The following SH3BP4 variants were observed in gnomAD, a reference collection of about 807,000 sequenced individuals.
The protein encoded by SH3BP4 is SH3 domain-binding protein 4.
SH3BP4 carries 33 observed loss-of-function variants against 65.5 expected under a neutral mutation model. The ratio of observed to expected loss-of-function variants is 0.50; its 90% CI spans 0.38 to 0.67. The LOEUF is 0.67. Ranked by LOEUF, SH3BP4 falls within the 30% of genes least tolerant of loss-of-function variation. The pLI is 0.00. For synonymous variants in SH3BP4, 552 were observed against 545.5 expected (o/e 1.01, Z -0.17); for missense variants, 1,134 against 1,261.4 (o/e 0.90, Z 1.53).
At position 235,041,559 on chromosome 2, in the gene SH3BP4, A is replaced by C. The variant is rs2106333696; in HGVS notation, c.790A>C (p.Ser264Arg). Reference sequence around the variant, plus strand: ...CAAGTCCGATGCTCCCACATCGTCGAGTTTCTTCACCGGCTTGAAATCACC... The same window carrying C: ...CAAGTCCGATGCTCCCACATCGTCGCGTTTCTTCACCGGCTTGAAATCACC... ...QAKSDAPTSSSFFTGLKSPAP... is the reference protein window; with the variant it reads ...QAKSDAPTSSRFFTGLKSPAP... The change falls in exon 4 of 6, where the codon AGT becomes CGT. Residue 264 changes from serine to arginine, a missense_variant. Coordinates refer to ENST00000392011, the MANE Select transcript of SH3BP4 (RefSeq NM_014521.3). This position sits in a 1 kb window ranked among gnomAD's most constrained non-coding sequence, Gnocchi z 6.0. 1 of 1,614,100 alleles carries C rather than the reference A, an allele frequency of 6.2e-7. No individual in the cohort carries two copies. Among genetic ancestry groups the C allele is most frequent in the South Asian group, 1.1e-5 (1 of 91,084 alleles).
At chr2:235,053,376 T>C (rs917186332) in intron 5 of SH3BP4, among the ~76,000 whole-genome samples, 1 of 152,194 alleles carries the variant, frequency 6.6e-6, no homozygotes, top group Non-Finnish European at 1.5e-5. Context: ...GTTGCGCACC[T>C]ACTCTTGCAC....
At chr2:234,970,069 TCA>T (rs1283172053) in intron 1 of SH3BP4, among the ~76,000 whole-genome samples, 4 of 126,800 alleles carry the variant, frequency 3.2e-5, no homozygotes, top group African/African-American at 7.7e-5. Flanking sequence ...ATACACACAC[TCA>T]CACTGTCACT....
At chr2:234,955,725 TC>T (rs1423706128) in intron 1 of SH3BP4, among the ~76,000 whole-genome samples, 1 of 152,180 alleles carries the variant, frequency 6.6e-6, no homozygotes, top group African/African-American at 2.4e-5. Flanking sequence ...TGTATGGAAT[TC>T]CTCTAATTTA....
At chr2:235,018,711 C>T in intron 2 of SH3BP4, among the ~76,000 whole-genome samples, 1 of 152,136 alleles carries the variant, frequency 6.6e-6, no homozygotes, top group South Asian at 2.1e-4. Flanking sequence ...CTTTGGGTTC[C>T]AGTTACTTTT....
At chr2:234,954,901 C>G (rs561471733) in intron 1 of SH3BP4, among the ~76,000 whole-genome samples, 1 of 152,144 alleles carries the variant, frequency 6.6e-6, no homozygotes, top group Non-Finnish European at 1.5e-5. Flanking sequence ...TGGCAGACCT[C>G]GTCCCTGGAC....
At chr2:235,010,480 C>T (rs1694444790) in intron 2 of SH3BP4, among the ~76,000 whole-genome samples, 1 of 152,178 alleles carries the variant, frequency 6.6e-6, no homozygotes, top group Non-Finnish European at 1.5e-5. Context: ...AGGTCATAAT[C>T]CTTATCTGTC....
At chr2:234,972,158 GTC>G (rs533536747) in intron 1 of SH3BP4, among the ~76,000 whole-genome samples, 27 of 141,176 alleles carry the variant, frequency 1.9e-4, no homozygotes, top group Admixed American at 1.7e-3. Flanking sequence ...TTGAGACAGT[GTC>G]TCAATCTGTC....
chr2:235,029,663 AT>A (rs1220771451), intron 2 of SH3BP4, among the ~76,000 whole-genome samples: 1 of 152,268 alleles, frequency 6.6e-6, no homozygotes, highest in Non-Finnish European at 1.5e-5. Context: ...CAAGTACATA[AT>A]TTTAGGAAAG....
chr2:234,986,817 T>A (rs916952657), intron 1 of SH3BP4, among the ~76,000 whole-genome samples: 9 of 152,108 alleles, frequency 5.9e-5, no homozygotes, highest in African/African-American at 2.2e-4. Context: ...TTATTTTTTT[T>A]TTTTTTGATG....
In SH3BP4 at chr2:235,026,667, G is replaced by A. The variant is rs569974685; in HGVS notation, c.-132-8204G>A. On this transcript the variant is annotated intron_variant, in intron 2 of 5. Coordinates refer to ENST00000392011, the MANE Select transcript of SH3BP4 (RefSeq NM_014521.3). The surrounding 1 kb of genome is among the most constrained non-coding windows in gnomAD (Gnocchi z 4.6). ...TAGTCCCAGGTAGATGTGGCACCCA[G>A]GATATGCCCACCTTTCTCAAACTCA... Among the ~76,000 whole-genome samples, 15 of 152,346 alleles carry A rather than the reference G, an allele frequency of 9.8e-5. No homozygotes were observed. The South Asian group carries it at 3.1e-3, about 32-fold the overall frequency.
At chr2:235,010,510 C>G (rs896906420) in intron 2 of SH3BP4, among the ~76,000 whole-genome samples, 5 of 152,206 alleles carry the variant, frequency 3.3e-5, no homozygotes, top group Non-Finnish European at 7.3e-5. Flanking sequence ...ACTTGTGATA[C>G]ACAAATGAAT....
intron 1 of SH3BP4, among the ~76,000 whole-genome samples, chr2:234,984,315 C>T (rs1249135006): frequency 1.3e-5 from 2 of 152,196 alleles, no homozygotes; most frequent in Non-Finnish European, 2.9e-5. Context: ...GATCCTCCCA[C>T]CCCAGCCTCC....
Position 235,042,318 on chromosome 2 carries a change from G to A in SH3BP4, c.1549G>A (p.Ala517Thr). The A allele has an allele frequency of 1.2e-6, 2 of 1,614,052 alleles. No individual in the cohort carries two copies. Among genetic ancestry groups the A allele is most frequent in the Non-Finnish European group, 1.7e-6 (2 of 1,180,012 alleles). Residue 517 changes from alanine to threonine, a missense_variant, in exon 4 of 6, where the codon GCC becomes ACC. Coordinates refer to ENST00000392011, the MANE Select transcript of SH3BP4 (RefSeq NM_014521.3). The surrounding 1 kb of genome is among the most constrained non-coding windows in gnomAD (Gnocchi z 7.3). Reference sequence around the variant, plus strand: ...GGTCACACGCCAGGCACCCAACCCTGCCCCGGTGGCCCTGCAGCTGTGGGG... The same window carrying A: ...GGTCACACGCCAGGCACCCAACCCTACCCCGGTGGCCCTGCAGCTGTGGGG... ...SEVTRQAPNP[A>T]PVALQLWGKH...
chr2:235,005,639 C>A (rs1694270637), intron 2 of SH3BP4, among the ~76,000 whole-genome samples: 1 of 152,224 alleles, frequency 6.6e-6, no homozygotes, highest in Non-Finnish European at 1.5e-5. Context: ...AGTTGTTGAT[C>A]TTGGCTTCCT....
At position 235,042,128 on chromosome 2, in the gene SH3BP4, C is replaced by T. The variant is rs746837443; in HGVS notation, c.1359C>T (p.Val453=). 1.1e-5 allele frequency: 18 copies of T among 1,613,846 alleles called. No individual in the cohort carries two copies. The highest frequency in any genetic ancestry group is 2.2e-5 in the South Asian group (2 of 91,068). The stretch of plus-strand genomic sequence containing the variant: ...TGGAGCCCTGTATGTACGTGGCTGT[C>T]GTGGCCCATGGCCCAAGCATCCTCT... The part of the protein sequence containing the change: ...HNLEPCMYVA[V]VAHGPSILYP... The change falls in exon 4 of 6, where the codon GTC becomes GTT. Residue 453 remains valine (V), a synonymous_variant. Transcript: ENST00000392011. This position sits in a 1 kb window ranked among gnomAD's most constrained non-coding sequence, Gnocchi z 7.3.
intron 1 of SH3BP4, among the ~76,000 whole-genome samples, chr2:234,954,483 A>G (rs1692544382): frequency 6.6e-6 from 1 of 152,084 alleles, no homozygotes; most frequent in South Asian, 2.1e-4. Flanking sequence ...AGACCCAGAA[A>G]GTGGGCTGAA....
chr2:234,964,798 G>A (rs961340160), intron 1 of SH3BP4, among the ~76,000 whole-genome samples: 5 of 152,112 alleles, frequency 3.3e-5, no homozygotes, highest in African/African-American at 1.2e-4. Flanking sequence ...TGTATCTAAG[G>A]GCACCAAGAA....
rs1217631269 is a variant in SH3BP4 at position 234,978,091 on chromosome 2, G to T, written c.-206-17212G>T. 6.6e-6 allele frequency among the ~76,000 whole-genome samples: 1 copy of T among 152,108 alleles called. No homozygotes were observed. The highest frequency in any genetic ancestry group is 2.4e-5 in the African/African-American group (1 of 41,438). ...CTGCCTCAGCCTCCCGAGTAGCTGG[G>T]ATTACAGGCATGCGCCACCATGCCG... On this transcript the variant is annotated intron_variant, in intron 1 of 5. Coordinates refer to ENST00000392011, the MANE Select transcript of SH3BP4 (RefSeq NM_014521.3). The surrounding 1 kb of genome is among the most constrained non-coding windows in gnomAD (Gnocchi z 4.1).
chr2:234,956,803 C>T (rs536266879), intron 1 of SH3BP4, among the ~76,000 whole-genome samples: 42 of 152,086 alleles, frequency 2.8e-4, no homozygotes, highest in African/African-American at 1.0e-3. Flanking sequence ...AAGTGATCCT[C>T]CAGCCTTGGT....
Sources: gnomAD v4.1 joint callset for allele counts (sites outside exome capture counted in the v4.1 genomes callset) on GRCh38, gnomAD v4.1.1 for gene constraint, Gnocchi (gnomAD v3.1) non-coding constraint, MANE v1.5 for transcripts, NCBI Gene and HGNC (gene_info 2026-07-23, HGNC 2026-07-21) for gene names.